The following CACNA1C variants were observed in gnomAD, a reference collection of about 807,000 sequenced individuals.
The protein encoded by CACNA1C is voltage-dependent L-type calcium channel subunit alpha-1C.
CACNA1C carries 30 observed loss-of-function variants against 229.0 expected under a neutral mutation model. The ratio of observed to expected loss-of-function variants is 0.13; its 90% confidence interval spans 0.10 to 0.18. CACNA1C has a LOEUF of 0.18. Among genes scored for constraint, CACNA1C ranks in the 10% least tolerant of loss-of-function variants. The pLI, the probability that CACNA1C is intolerant of heterozygous loss-of-function variation, is 1.00. For synonymous variants in CACNA1C, 1,114 were observed against 1,132.5 expected (o/e 0.98, Z 0.33); for missense variants, 1,658 against 2,845.0 (o/e 0.58, Z 9.49).
chr12:2,217,624 T>C (rs2060313397), intron 3 of CACNA1C: 1 of 152,222 alleles, frequency 6.6e-6, no homozygotes, highest in Non-Finnish European at 1.5e-5. Context: ...TGGCTTGCAG[T>C]CTGGGTTTTC....
At chr12:2,159,347 T>G (rs1450499649) in intron 3 of CACNA1C, among the ~76,000 whole-genome samples, 1 of 151,882 alleles carries the variant, frequency 6.6e-6, no homozygotes, top group Non-Finnish European at 1.5e-5. Context: ...ATACAAAAAT[T>G]AGCTGGGTGT....
chr12:2,404,107 T>G (rs552288269), intron 3 of CACNA1C, among the ~76,000 whole-genome samples: 1 of 152,278 alleles, frequency 6.6e-6, no homozygotes, highest in African/African-American at 2.4e-5. Flanking sequence ...TGTCCCTTTC[T>G]CTGTGTGCCA....
In CACNA1C at chr12:2,601,449, G is replaced by A. The variant is rs2072175047; in HGVS notation, c.2854-405G>A. ...GCTCTCAGCTGGCCTAAGGACTCAA[G>A]CATTTGGAGAGGCAGTCGGGATGTG... On this transcript the variant is annotated intron_variant, in intron 21 of 46. Transcript: ENST00000399655. The surrounding 1 kb of genome is among the most constrained non-coding windows in gnomAD (Gnocchi z 5.9). 6.6e-6 allele frequency among the ~76,000 whole-genome samples: 1 copy of A among 151,964 alleles called. No homozygotes were observed. Among genetic ancestry groups the A allele is most frequent in the Admixed American group, 6.5e-5 (1 of 15,272 alleles).
chr12:2,582,420 A>G (rs1391373669), intron 14 of CACNA1C, among the ~76,000 whole-genome samples: 1 of 152,190 alleles, frequency 6.6e-6, no homozygotes, highest in East Asian at 1.9e-4. Flanking sequence ...AGATGTTGTC[A>G]AAGTCTTGAA....
chr12:2,672,305 T>C (rs951972637), intron 38 of CACNA1C: 6 of 152,126 alleles, frequency 3.9e-5, no homozygotes, highest in African/African-American at 1.4e-4. Flanking sequence ...CAATTGTCGG[T>C]GAACTTCAAC....
intron 9 of CACNA1C, among the ~76,000 whole-genome samples, chr12:2,546,854 A>G (rs943264692): frequency 1.3e-5 from 2 of 152,234 alleles, no homozygotes; most frequent in East Asian, 1.9e-4. Context: ...AATAGAATTG[A>G]ATTATTGAAC....
At chr12:2,400,910 A>G (rs1454792754) in intron 3 of CACNA1C, among the ~76,000 whole-genome samples, 1 of 151,942 alleles carries the variant, frequency 6.6e-6, no homozygotes, top group Non-Finnish European at 1.5e-5. Context: ...CTTCAGTGGC[A>G]TCTCCCTCCT....
intron 3 of CACNA1C, among the ~76,000 whole-genome samples, chr12:2,379,956 G>A (rs1174390043): frequency 6.9e-5 from 10 of 145,542 alleles, no homozygotes; most frequent in Non-Finnish European, 1.2e-4. Context: ...GCGTGAACCC[G>A]GGAGGCGGAG....
chr12:2,071,156 C>T (rs1268209363), intron 1 of CACNA1C, among the ~76,000 whole-genome samples: 4 of 53,462 alleles, frequency 7.5e-5, no homozygotes, highest in African/African-American at 3.3e-4. Flanking sequence ...CTCCCTCCCT[C>T]CCTCCCTCCC....
chr12:2,098,575 A>T (rs1216646425), intron 1 of CACNA1C, among the ~76,000 whole-genome samples: 1 of 152,200 alleles, frequency 6.6e-6, no homozygotes, highest in African/African-American at 2.4e-5. Context: ...ATCCTTGAGG[A>T]ATGCAGCACC....
intron 7 of CACNA1C, among the ~76,000 whole-genome samples, chr12:2,502,224 T>A (rs935428153): frequency 2.6e-5 from 4 of 152,214 alleles, no homozygotes; most frequent in African/African-American, 9.7e-5. Flanking sequence ...GATTTCGTGT[T>A]TACAGCACAG....
At chr12:2,611,229 T>C (rs2077562176) in intron 28 of CACNA1C, among the ~76,000 whole-genome samples, 1 of 118,864 alleles carries the variant, frequency 8.4e-6, no homozygotes. Flanking sequence ...GGTTGATCAA[T>C]GGAGAGAGGG....
At position 2,651,191 on chromosome 12, in the gene CACNA1C, G is replaced by A. The variant is rs530091800; in HGVS notation, c.3946-449G>A. 2.3e-5 allele frequency: 4 copies of A among 172,008 alleles called. No homozygotes were observed. Among genetic ancestry groups the A allele is most frequent in the Non-Finnish European group, 3.7e-5 (3 of 81,716 alleles). 10.7% of individuals were successfully genotyped at this position (172,008 alleles called of 1,614,324 possible). The stretch of plus-strand genomic sequence containing the variant: ...CCACCAACCCACATCCTCGGAGAGT[G>A]CTGGGCTCCACTTAGGACACAGGAC... On this transcript the variant is annotated intron_variant, in intron 31 of 46. Transcript: ENST00000399655. This position sits in a 1 kb window ranked among gnomAD's most constrained non-coding sequence, Gnocchi z 5.4.
At chr12:2,618,343 TGTTCTC>T (rs1268507730) in intron 29 of CACNA1C, among the ~76,000 whole-genome samples, 2 of 152,162 alleles carry the variant, frequency 1.3e-5, no homozygotes, top group Non-Finnish European at 2.9e-5. Flanking sequence ...TAATCAGACA[TGTTCTC>T]TGCCCCCGGG....
chr12:2,528,723 T>C (rs943928033), intron 9 of CACNA1C, among the ~76,000 whole-genome samples: 1 of 152,146 alleles, frequency 6.6e-6, no homozygotes, highest in African/African-American at 2.4e-5. Context: ...TTTAGGGATA[T>C]TTATGGGATA....
chr12:2,393,855 C>G (rs1305199343), intron 3 of CACNA1C, among the ~76,000 whole-genome samples: 1 of 151,698 alleles, frequency 6.6e-6, no homozygotes, highest in Non-Finnish European at 1.5e-5. Flanking sequence ...CCTGTAATTC[C>G]AGCACTTTGG....
chr12:2,621,630 C>G (rs1273123559), intron 29 of CACNA1C, among the ~76,000 whole-genome samples: 5 of 152,054 alleles, frequency 3.3e-5, no homozygotes, highest in African/African-American at 4.8e-5. Flanking sequence ...CAGCAAGGAG[C>G]CTGATGCTGG....
chr12:2,003,126 T>A (rs939592216), intron 1 of CACNA1C, among the ~76,000 whole-genome samples: 2 of 152,218 alleles, frequency 1.3e-5, no homozygotes, highest in African/African-American at 4.8e-5. Context: ...TGGGCAAAAC[T>A]GTTTGTCTAC....
intron 22 of CACNA1C, among the ~76,000 whole-genome samples, chr12:2,603,016 G>A (rs2073514220): frequency 6.6e-6 from 1 of 152,044 alleles, no homozygotes; most frequent in Admixed American, 6.6e-5. Flanking sequence ...AGCGTTCCTG[G>A]GTCTCTCCTC....
Sources: gnomAD v4.1 joint callset for allele counts (sites outside exome capture counted in the v4.1 genomes callset) on GRCh38, gnomAD v4.1.1 for gene constraint, Gnocchi (gnomAD v3.1) non-coding constraint, MANE v1.5 for transcripts, NCBI Gene and HGNC (gene_info 2026-07-23, HGNC 2026-07-21) for gene names.